SGK1: variants seen among roughly 807,000 people sequenced by gnomAD.
SGK1 encodes the protein serine/threonine-protein kinase Sgk1.
Under a neutral mutation model 64.2 loss-of-function variants are expected in SGK1, and 26 were observed. The observed-to-expected ratio is 0.40, with a 90% CI of 0.30 to 0.56. The LOEUF (loss-of-function observed/expected upper bound fraction) is 0.56. Among genes scored for constraint, SGK1 ranks in the 20% least tolerant of loss-of-function variants. SGK1 has a pLI of 0.38. For missense variants in SGK1, 519 were observed against 645.6 expected (o/e 0.80, Z 2.12); for synonymous variants, 265 against 239.7 (o/e 1.11, Z -0.98).
intron 1 of SGK1, among the ~76,000 whole-genome samples, chr6:134,306,826 A>C (rs1777541711): frequency 7.1e-6 from 1 of 140,640 alleles, no homozygotes. Context: ...ATGATTTCTT[A>C]TTTTCTCTTT....
At chr6:134,200,397 G>C (rs905961028) in intron 3 of SGK1, among the ~76,000 whole-genome samples, 8 of 152,012 alleles carry the variant, frequency 5.3e-5, no homozygotes, top group African/African-American at 1.7e-4. Flanking sequence ...CTGTATACCA[G>C]TATCTATCTA....
chr6:134,255,574 A>ATTTTTTTTTT (rs11318242), intron 2 of SGK1, among the ~76,000 whole-genome samples: 2 of 78,852 alleles, frequency 2.5e-5, no homozygotes, highest in Non-Finnish European at 4.9e-5. Context: ...AGAGATTTTG[A>ATTTTTTTTTT]TTTTTTTTTT....
chr6:134,296,893 C>T (rs1224498102), intron 1 of SGK1: 3 of 300,036 alleles, frequency 1.0e-5, no homozygotes, highest in Non-Finnish European at 2.0e-5. Context: ...GACTGAGCCT[C>T]AGGTGGGTCT....
intron 1 of SGK1, among the ~76,000 whole-genome samples, chr6:134,311,244 A>G (rs1430093427): frequency 6.6e-6 from 1 of 152,246 alleles, no homozygotes; most frequent in East Asian, 1.9e-4. Flanking sequence ...ACTTAGGGGC[A>G]AGTAATAGAA....
chr6:134,223,674 A>G (rs1327469382), intron 2 of SGK1, among the ~76,000 whole-genome samples: 1 of 152,230 alleles, frequency 6.6e-6, no homozygotes, highest in Non-Finnish European at 1.5e-5. Context: ...GCTTTATGCT[A>G]TAATTTGTAA....
At chr6:134,175,870 A>C in intron 3 of SGK1, 7 of 1,163,506 alleles carry the variant, frequency 6.0e-6, no homozygotes, top group Admixed American at 4.7e-5. Context: ...AAATCCCAGA[A>C]CTTGGAAGAG....
chr6:134,211,832 C>A, intron 2 of SGK1, among the ~76,000 whole-genome samples: 1 of 147,330 alleles, frequency 6.8e-6, no homozygotes, highest in Non-Finnish European at 1.5e-5. Flanking sequence ...CGAGATGGCT[C>A]CACTGCACTC....
At chr6:134,244,083 C>A (rs978480172) in intron 2 of SGK1, among the ~76,000 whole-genome samples, 1 of 152,016 alleles carries the variant, frequency 6.6e-6, no homozygotes, top group East Asian at 1.9e-4. Flanking sequence ...ACCCATCAAC[C>A]CATCATCTAC....
intron 1 of SGK1, among the ~76,000 whole-genome samples, chr6:134,272,630 C>T (rs1027993498): frequency 6.8e-6 from 1 of 147,780 alleles, no homozygotes; most frequent in Non-Finnish European, 1.5e-5. Context: ...CCTTTCACCA[C>T]CACCCAACTC....
rs375549813 is a variant in SGK1, at chr6:134,266,649, C to G, written c.70-4501G>C. On this transcript the variant is annotated intron_variant, in intron 1 of 13. Coordinates refer to ENST00000367858, the MANE Select transcript of SGK1 (RefSeq NM_001143676.3). ...TAAAATATCTTTTTGAGTTTACTAT[C>G]CTAAAGTTAAAATTTTGGGTTTCCT... 1.3e-4 allele frequency among the ~76,000 whole-genome samples: 20 copies of G among 152,156 alleles called. No homozygotes were observed. In the South Asian group the frequency reaches 4.2e-3, roughly 32 times the overall value.
At chr6:134,258,261 G>A (rs905214561) in intron 2 of SGK1, among the ~76,000 whole-genome samples, 5 of 151,836 alleles carry the variant, frequency 3.3e-5, no homozygotes, top group African/African-American at 7.3e-5. Context: ...CCACCACCAT[G>A]CTCAGCTAAT....
chr6:134,212,997 G>T (rs774882400), intron 2 of SGK1, among the ~76,000 whole-genome samples: 72 of 152,174 alleles, frequency 4.7e-4, no homozygotes, highest in Non-Finnish European at 9.3e-4. Context: ...TGAAGTCAGG[G>T]TCTTCAAGAA....
At chr6:134,235,540 TTTTTATTTATTTATTTA>T (rs1314342379) in intron 2 of SGK1, among the ~76,000 whole-genome samples, 46 of 76,492 alleles carry the variant, frequency 6.0e-4, no homozygotes, top group African/African-American at 1.4e-3. Flanking sequence ...AAAATAGATA[TTTTTATTTATTTATTTA>T]TTTATTTATT....
At chr6:134,196,450 A>C (rs1316993528) in intron 3 of SGK1, among the ~76,000 whole-genome samples, 1 of 151,912 alleles carries the variant, frequency 6.6e-6, no homozygotes, top group African/African-American at 2.4e-5. Context: ...ACAAAGAAAA[A>C]ATAATAATTT....
rs145983601 is a variant in SGK1 at position 134,301,645 on chromosome 6, T to C, written c.69+15747A>G. Among the ~76,000 whole-genome samples, 1,260 of 152,092 alleles carry C rather than the reference T, an allele frequency of 8.3e-3. 34 individuals carry two copies. Among genetic ancestry groups the C allele is most frequent in the African/African-American group, 0.029 (1,206 of 41,454 alleles). Reference sequence around the variant, plus strand: ...TTACTCTGTTGTCCAGGCTGGAGTGTAGTGGTGTGATCATGGCTCACTGCA... The same window carrying C: ...TTACTCTGTTGTCCAGGCTGGAGTGCAGTGGTGTGATCATGGCTCACTGCA... On this transcript the variant is annotated intron_variant, in intron 1 of 13. Transcript: ENST00000367858.
intron 3 of SGK1, among the ~76,000 whole-genome samples, chr6:134,196,350 G>A (rs1775593874): frequency 6.6e-6 from 1 of 151,878 alleles, no homozygotes; most frequent in Non-Finnish European, 1.5e-5. Context: ...ACAGGTATGA[G>A]CCACCGTGCC....
At chr6:134,222,101 C>T (rs1776098970) in intron 2 of SGK1, among the ~76,000 whole-genome samples, 1 of 152,114 alleles carries the variant, frequency 6.6e-6, no homozygotes, top group South Asian at 2.1e-4. Context: ...TCTTCTAGTG[C>T]TTTAATCCTC....
chr6:134,243,613 C>A (rs1180576653), intron 2 of SGK1, among the ~76,000 whole-genome samples: 1 of 152,190 alleles, frequency 6.6e-6, no homozygotes, highest in African/African-American at 2.4e-5. Context: ...AGGTGATCTG[C>A]TTGCCTTGGC....
chr6:134,188,388 A>G (rs1396985609), intron 3 of SGK1, among the ~76,000 whole-genome samples: 1 of 152,138 alleles, frequency 6.6e-6, no homozygotes, highest in Admixed American at 6.5e-5. Flanking sequence ...TTCTCCTTAC[A>G]AGCAAAATGA....
Sources: gnomAD v4.1 joint callset for allele counts (sites outside exome capture counted in the v4.1 genomes callset) on GRCh38, gnomAD v4.1.1 for gene constraint, MANE v1.5 for transcripts, NCBI Gene and HGNC (gene_info 2026-07-23, HGNC 2026-07-21) for gene names.